DCT: variants seen among roughly 807,000 people sequenced by gnomAD.
DCT encodes the protein L-dopachrome tautomerase.
In DCT, 47 loss-of-function variants were observed where a neutral mutation model predicts 53.0. The observed-to-expected ratio is 0.89, with a 90% CI of 0.70 to 1.13. The LOEUF (loss-of-function observed/expected upper bound fraction) is 1.13, where lower values mean the gene tolerates loss of function less well. Ranked by LOEUF, DCT falls within the 50% of genes most tolerant of loss-of-function variation. DCT has a pLI of 0.00. For synonymous variants in DCT, 244 were observed against 237.0 expected (o/e 1.03, Z -0.27); for missense variants, 669 against 637.4 (o/e 1.05, Z -0.53).
In DCT at chr13:94,439,946, G is replaced by C; in HGVS notation, c.1512C>G (p.Pro504=). ...QYRRLRKGYT[P]LMETHLSSKR... is the part of the protein sequence containing the mutation. ...TGCTGCTTAAATGTGTCTCCATTAG[G>C]GGTGTATATCCTTTTCGAAGTCTTC... Residue 504 remains proline (P), a synonymous_variant, in exon 8 of 8, where the codon CCC becomes CCG. Coordinates refer to ENST00000377028, the MANE Select transcript of DCT (RefSeq NM_001922.5). 2 of 1,613,878 alleles carry C rather than the reference G, an allele frequency of 1.2e-6. No individual in the cohort carries two copies. The highest frequency in any genetic ancestry group is 2.2e-5 in the South Asian group (2 of 91,060).
intron 4 of DCT, among the ~76,000 whole-genome samples, chr13:94,463,031 G>T (rs1371137907): frequency 1.3e-5 from 2 of 152,218 alleles, no homozygotes; most frequent in African/African-American, 4.8e-5. Context: ...TAAGTGCTCA[G>T]CATGGGCTGA....
the DCT span, among the ~76,000 whole-genome samples, chr13:94,496,170 G>A: frequency 6.6e-6 from 1 of 152,200 alleles, no homozygotes; most frequent in Middle Eastern, 3.4e-3. Flanking sequence ...GTCTATACTT[G>A]TTTTTGGAAT....
chr13:94,445,893 G>T (rs907199001), intron 6 of DCT: 4 of 630,248 alleles, frequency 6.3e-6, no homozygotes, highest in South Asian at 2.0e-5. Context: ...GTGGGGGGGC[G>T]GGGTGAAATG....
intron 4 of DCT, among the ~76,000 whole-genome samples, chr13:94,463,091 T>C (rs1307230370): frequency 6.6e-6 from 1 of 152,196 alleles, no homozygotes; most frequent in East Asian, 1.9e-4. Context: ...TGCTATGGCC[T>C]GGATTCCAAC....
chr13:94,522,394 CAGTTTTAG>C, the DCT span, among the ~76,000 whole-genome samples: 469 of 152,128 alleles, frequency 3.1e-3, 2 homozygotes, highest in African/African-American at 0.011. Flanking sequence ...CCAAGTTCTT[CAGTTTTAG>C]AGTTTTAGAA....
chr13:94,482,348 T>G (rs560973129), upstream of DCT, among the ~76,000 whole-genome samples: 9 of 152,216 alleles, frequency 5.9e-5, no homozygotes, highest in Non-Finnish European at 7.3e-5. Context: ...TCACTATTAT[T>G]CAAACATGCC....
At chr13:94,445,726 T>C in intron 6 of DCT, 4 of 1,587,900 alleles carry the variant, frequency 2.5e-6, no homozygotes, top group African/African-American at 1.3e-5. Flanking sequence ...TACCAGCACA[T>C]GCAGGGAAGG....
the DCT span, among the ~76,000 whole-genome samples, chr13:94,500,996 T>G: frequency 6.6e-6 from 1 of 152,142 alleles, no homozygotes; most frequent in Non-Finnish European, 1.5e-5. Context: ...AATTGTTCTT[T>G]TATAGATTTT....
At chr13:94,463,005 G>C (rs951606728) in intron 4 of DCT, among the ~76,000 whole-genome samples, 2 of 152,242 alleles carry the variant, frequency 1.3e-5, no homozygotes, top group Non-Finnish European at 2.9e-5. Context: ...TTCCAAGGTA[G>C]TAGAGTATCA....
intron 6 of DCT, chr13:94,444,374 T>C (rs776983652): frequency 1.9e-6 from 1 of 516,934 alleles, no homozygotes; most frequent in South Asian, 1.4e-5. Context: ...AGGAATACTC[T>C]TCTGTCTACT....
intron 5 of DCT, among the ~76,000 whole-genome samples, chr13:94,461,792 G>A (rs1883805702): frequency 6.6e-6 from 1 of 152,134 alleles, no homozygotes; most frequent in Non-Finnish European, 1.5e-5. Flanking sequence ...GTTTTGAACA[G>A]CTAAGTTAGA....
chr13:94,549,371 G>A, the DCT span, among the ~76,000 whole-genome samples: 15 of 152,312 alleles, frequency 9.8e-5, no homozygotes, highest in African/African-American at 3.6e-4. Flanking sequence ...ACCGCGGCCC[G>A]GGTCGTTCGC....
intron 6 of DCT, among the ~76,000 whole-genome samples, chr13:94,451,891 C>G (rs111658302): frequency 0.053 from 8,048 of 151,742 alleles, 313 homozygotes; most frequent in Non-Finnish European, 0.081. Context: ...ATTACTTTCC[C>G]TAATTCTGAC....
At chr13:94,516,741 C>T in the DCT span, among the ~76,000 whole-genome samples, 1 of 152,098 alleles carries the variant, frequency 6.6e-6, no homozygotes, top group Non-Finnish European at 1.5e-5. Context: ...CCATGTGATG[C>T]CCTGTGCCAC....
intron 6 of DCT, among the ~76,000 whole-genome samples, chr13:94,457,953 G>A (rs949938078): frequency 6.6e-6 from 1 of 152,124 alleles, no homozygotes; most frequent in Non-Finnish European, 1.5e-5. Flanking sequence ...AGACATAAAC[G>A]ATTTCGTAGA....
At chr13:94,509,319 G>A in the DCT span, among the ~76,000 whole-genome samples, 360 of 152,062 alleles carry the variant, frequency 2.4e-3, 5 homozygotes, top group African/African-American at 8.4e-3. Flanking sequence ...ATAAATCCTG[G>A]GTCCCCATCT....
intron 6 of DCT, among the ~76,000 whole-genome samples, chr13:94,450,610 T>A (rs1883017202): frequency 6.6e-6 from 1 of 152,190 alleles, no homozygotes. Flanking sequence ...TTAGAAATGC[T>A]GATTCTAAAC....
the DCT span, among the ~76,000 whole-genome samples, chr13:94,544,821 T>C: frequency 6.6e-6 from 1 of 151,412 alleles, no homozygotes. Context: ...AGAATTATGA[T>C]CCAAGACTAA....
intron 1 of DCT, among the ~76,000 whole-genome samples, chr13:94,472,544 ATATATATATATATATATATATATATT>A (rs1233482864): frequency 2.1e-3 from 57 of 26,710 alleles, no homozygotes; most frequent in African/African-American, 8.7e-3. Flanking sequence ...ATATATATAT[ATATATATATATATATATATATATATT>A]TTTTTTTTTT....
Sources: allele counts gnomAD v4.1 joint callset (sites outside exome capture counted in the v4.1 genomes callset), GRCh38; gene constraint gnomAD v4.1.1; transcripts MANE v1.5; gene names NCBI Gene and HGNC (gene_info 2026-07-23, HGNC 2026-07-21).